Variants in PDE4D observed in about 807,000 individuals in gnomAD.
The protein encoded by PDE4D is phosphodiesterase 4D.
Under a neutral mutation model 87.4 loss-of-function variants are expected in PDE4D, and 24 were observed. The ratio of observed to expected loss-of-function variants is 0.27; its 90% confidence interval spans 0.20 to 0.39. The LOEUF is 0.39. PDE4D is among the 10% of genes least tolerant of loss of function. The probability of loss-of-function intolerance (pLI) is 1.00; values close to 1 mark genes in which losing one functional copy is unlikely to be tolerated. For missense variants in PDE4D, 714 were observed against 1,041.0 expected, an observed-to-expected ratio of 0.69 and a Z score of 4.32; for synonymous variants, 384 against 383.2, an observed-to-expected ratio of 1.00 and a Z score of -0.02.
chr5:60,493,037 G>GCC (rs557937018), upstream of PDE4D, among the ~76,000 whole-genome samples: 13 of 152,272 alleles, frequency 8.5e-5, no homozygotes, highest in East Asian at 1.7e-3. Context: ...AGGCCTCTAA[G>GCC]ATAACAGCAC....
chr5:59,958,415 T>A (rs539504311), intron 3 of PDE4D, among the ~76,000 whole-genome samples: 121 of 152,246 alleles, frequency 7.9e-4, no homozygotes, highest in African/African-American at 2.8e-3. Flanking sequence ...CATGGCAAGA[T>A]AAGTTAAATC....
At chr5:59,069,404 G>A (rs1243699359) in intron 5 of PDE4D, among the ~76,000 whole-genome samples, 1 of 152,098 alleles carries the variant, frequency 6.6e-6, no homozygotes, top group South Asian at 2.1e-4. Flanking sequence ...CTTGATATAG[G>A]GATATTTCAG....
intron 1 of PDE4D, among the ~76,000 whole-genome samples, chr5:59,498,966 T>A (rs892600306): frequency 6.6e-6 from 1 of 152,120 alleles, no homozygotes; most frequent in Non-Finnish European, 1.5e-5. Context: ...AACTACAGAA[T>A]ATGCATTCTT....
intron 6 of PDE4D, among the ~76,000 whole-genome samples, chr5:59,007,833 T>A (rs919242326): frequency 1.6e-5 from 2 of 122,820 alleles, no homozygotes; most frequent in African/African-American, 5.2e-5. Context: ...CTTATTTTAA[T>A]TTTTTTTTAA....
chr5:59,384,400 C>T (rs1786544155), intron 1 of PDE4D, among the ~76,000 whole-genome samples: 1 of 152,134 alleles, frequency 6.6e-6, no homozygotes, highest in African/African-American at 2.4e-5. Context: ...GTGAGACTCT[C>T]CATCTCTTCC....
chr5:60,337,041 T>A (rs1371233033), intron 1 of PDE4D, among the ~76,000 whole-genome samples: 1 of 151,658 alleles, frequency 6.6e-6, no homozygotes, highest in Non-Finnish European at 1.5e-5. Context: ...ATTGATAGGC[T>A]GGATGTGGTG....
intron 1 of PDE4D, among the ~76,000 whole-genome samples, chr5:60,293,361 A>C (rs1455724115): frequency 6.6e-6 from 1 of 151,948 alleles, no homozygotes; most frequent in African/African-American, 2.4e-5. Flanking sequence ...AAAAATACAA[A>C]AAATTCGCCT....
At chr5:60,010,095 T>A (rs1003719874) in intron 2 of PDE4D, among the ~76,000 whole-genome samples, 6 of 152,110 alleles carry the variant, frequency 3.9e-5, no homozygotes, top group African/African-American at 1.4e-4. Context: ...ATACAATTAA[T>A]GTCCTACTCC....
chr5:59,866,933 G>C (rs148616478), intron 1 of PDE4D, among the ~76,000 whole-genome samples: 1 of 152,264 alleles, frequency 6.6e-6, no homozygotes, highest in East Asian at 1.9e-4. Context: ...CATTAATTAT[G>C]ATTCCACCCT....
chr5:59,730,857 A>T (rs1757271728), intron 1 of PDE4D, among the ~76,000 whole-genome samples: 1 of 152,154 alleles, frequency 6.6e-6, no homozygotes, highest in African/African-American at 2.4e-5. Flanking sequence ...TATTAATCTG[A>T]ATTTAGCATA....
At chr5:60,441,795 T>A (rs1303302980) in intron 1 of PDE4D, among the ~76,000 whole-genome samples, 3 of 151,890 alleles carry the variant, frequency 2.0e-5, no homozygotes, top group Non-Finnish European at 4.4e-5. Context: ...AACAGACACT[T>A]CTCAAAAGAA....
At chr5:60,305,038 TACACACAC>T (rs35539982) in intron 1 of PDE4D, among the ~76,000 whole-genome samples, 35 of 135,936 alleles carry the variant, frequency 2.6e-4, no homozygotes, top group African/African-American at 7.4e-4. Context: ...TTTTGAGCTA[TACACACAC>T]ACACACACAC....
chr5:60,398,418 G>A (rs1763039318), intron 1 of PDE4D, among the ~76,000 whole-genome samples: 1 of 152,208 alleles, frequency 6.6e-6, no homozygotes, highest in Non-Finnish European at 1.5e-5. Context: ...GATTAGGGTT[G>A]ACATTGATGG....
Position 59,818,782 on chromosome 5 carries a change from A to G in PDE4D, c.455+74386T>C, listed in dbSNP as rs79841946. Among the ~76,000 whole-genome samples, 807 of 152,292 alleles carry G rather than the reference A, an allele frequency of 5.3e-3. 9 individuals are homozygous for G. The highest frequency in any genetic ancestry group is 0.018 in the African/African-American group (754 of 41,556). On this transcript the variant is annotated intron_variant, in intron 1 of 14. Transcript: ENST00000340635. ...ACTCCATGTAGGTCAGACTACAGGTAAAATATCCTTTCTGGTGCCAAAAAC... is the reference window on the plus strand; with the variant it reads ...ACTCCATGTAGGTCAGACTACAGGTGAAATATCCTTTCTGGTGCCAAAAAC...
chr5:59,558,788 T>G (rs967188064), intron 1 of PDE4D: 25 of 152,274 alleles, frequency 1.6e-4, no homozygotes, highest in Non-Finnish European at 1.9e-4. Context: ...CATGCTAGGG[T>G]AACAGCTGAA....
At chr5:59,354,096 T>A (rs758955015) in intron 1 of PDE4D, among the ~76,000 whole-genome samples, 1 of 152,100 alleles carries the variant, frequency 6.6e-6, no homozygotes, top group African/African-American at 2.4e-5. Context: ...CCCAGTAGCA[T>A]GCATTATTAT....
intron 1 of PDE4D, among the ~76,000 whole-genome samples, chr5:59,331,746 A>G (rs2153577142): frequency 6.6e-6 from 1 of 152,302 alleles, no homozygotes; most frequent in African/African-American, 2.4e-5. Flanking sequence ...TATGTTTTCA[A>G]GTTCCCTTTC....
chr5:59,460,463 T>C (rs1273014328), intron 1 of PDE4D, among the ~76,000 whole-genome samples: 1 of 152,150 alleles, frequency 6.6e-6, no homozygotes, highest in Non-Finnish European at 1.5e-5. Flanking sequence ...TGTCAAGATA[T>C]CACATTTGTT....
At chr5:59,787,831 A>G (rs1765340488) in intron 1 of PDE4D, among the ~76,000 whole-genome samples, 1 of 152,180 alleles carries the variant, frequency 6.6e-6, no homozygotes, top group African/African-American at 2.4e-5. Context: ...AGGTGGCATA[A>G]ACTGAAATAT....
Sources: allele counts gnomAD v4.1 joint callset (sites outside exome capture counted in the v4.1 genomes callset), GRCh38; gene constraint gnomAD v4.1.1; transcripts MANE v1.5; gene names NCBI Gene and HGNC (gene_info 2026-07-23, HGNC 2026-07-21).